Variants in FAT1 observed in about 807,000 individuals in gnomAD.
FAT1 encodes the protein FAT atypical cadherin 1.
FAT1 carries 171 observed loss-of-function variants against 329.8 expected under a neutral mutation model. The ratio of observed to expected loss-of-function variants is 0.52; its 90% CI spans 0.46 to 0.59. FAT1 has a LOEUF of 0.59. Among genes scored for constraint, FAT1 ranks in the 20% least tolerant of loss-of-function variants. The pLI, the probability that FAT1 is intolerant of heterozygous loss-of-function variation, is 0.00. For missense variants in FAT1, 5,672 were observed against 5,774.4 expected (o/e 0.98, Z 0.57); for synonymous variants, 2,233 against 2,228.6 (o/e 1.00, Z -0.06).
chr4:186,692,249 C>T (rs1743804558), intron 2 of FAT1, among the ~76,000 whole-genome samples: 1 of 152,238 alleles, frequency 6.6e-6, no homozygotes, highest in South Asian at 2.1e-4. Flanking sequence ...TAACAAACAA[C>T]TCTAATATAA....
At chr4:186,610,733 A>T (rs1449093959) in intron 14 of FAT1, among the ~76,000 whole-genome samples, 1 of 127,076 alleles carries the variant, frequency 7.9e-6, no homozygotes, top group Non-Finnish European at 1.6e-5. Context: ...TATAAATATA[A>T]ATTTATATAA....
At chr4:186,623,782 ACTGTTT>A (rs1740161704) in intron 9 of FAT1, among the ~76,000 whole-genome samples, 1 of 152,172 alleles carries the variant, frequency 6.6e-6, no homozygotes, top group Non-Finnish European at 1.5e-5. Context: ...CGCTATTCTT[ACTGTTT>A]CTGTCTCATC....
At chr4:186,657,415 T>A (rs893580479) in intron 3 of FAT1, among the ~76,000 whole-genome samples, 1 of 151,688 alleles carries the variant, frequency 6.6e-6, no homozygotes, top group Non-Finnish European at 1.5e-5. Context: ...TTCACCAAGA[T>A]AAAATTCCAG....
At chr4:186,630,358 C>T (rs1233080626) in intron 7 of FAT1, among the ~76,000 whole-genome samples, 4 of 152,130 alleles carry the variant, frequency 2.6e-5, no homozygotes, top group African/African-American at 9.7e-5. Flanking sequence ...TGGGACGGAA[C>T]ATCCTGCCTT....
intron 3 of FAT1, among the ~76,000 whole-genome samples, chr4:186,659,767 G>C (rs1742079726): frequency 2.0e-5 from 3 of 146,540 alleles, no homozygotes; most frequent in Admixed American, 1.4e-4. Flanking sequence ...AACCCTGGGT[G>C]CTCCTGCACT....
Position 186,609,801 on chromosome 4 carries a change from C to G in FAT1, c.10068G>C (p.Thr3356=), listed in dbSNP as rs374566985. 1.2e-6 allele frequency: 2 copies of G among 1,606,648 alleles called. No individual in the cohort carries two copies. The highest frequency in any genetic ancestry group is 1.7e-6 in the Non-Finnish European group (2 of 1,173,256). ...EDAVLEQSVI[T]VMADDADGPS... ...ACTGTAATGGGGAAAAAATACACAC[C>G]GTGATGACAGACTGCTCAAGAACGG... Residue 3356 remains threonine, a splice_region_variant and synonymous_variant, in exon 15 of 27, where the codon ACG becomes ACC. Coordinates refer to ENST00000441802, the MANE Select transcript of FAT1 (RefSeq NM_005245.4).
rs762587815 is a variant in FAT1, at chr4:186,621,132, T to A, written c.5454A>T (p.Thr1818=). The A allele has an allele frequency of 6.2e-7, 1 of 1,613,914 alleles. No homozygotes were observed. Among genetic ancestry groups the A allele is most frequent in the Non-Finnish European group, 8.5e-7 (1 of 1,179,898 alleles). ...VYHIVEPSVH[T]YFAIDSSTGA... is the part of the protein sequence containing the mutation. ...CAGTGCTAGAATCAATAGCAAAATA[T>A]GTGTGTACAGATGGTTCAACAATGT... The change falls in exon 10 of 27, where the codon ACA becomes ACT. Residue 1818 remains threonine (T), a synonymous_variant. Transcript: ENST00000441802.
At chr4:186,601,214 G>T in intron 21 of FAT1, 55 bp downstream of exon 21, 1 of 1,444,022 alleles carries the variant, frequency 6.9e-7, no homozygotes, top group East Asian at 2.3e-5. Context: ...AATATAAAAT[G>T]AAATTTATGG....
chr4:186,604,389 T>C lies in FAT1; in HGVS notation c.10536A>G (p.Leu3512=). ...AAGCCATTCATACCTTCACCTGCAG[T>C]AAGTAATGATCTTTCTCCTTCCTCT... ...AIKRKEKDHY[L]LQVKVADNGK... is the part of the protein sequence containing the mutation. The change falls in exon 18 of 27, where the codon TTA becomes TTG. Residue 3512 remains leucine (L), a synonymous_variant. Coordinates refer to ENST00000441802, the MANE Select transcript of FAT1 (RefSeq NM_005245.4). The C allele has an allele frequency of 6.2e-7, 1 of 1,612,510 alleles. No individual in the cohort carries two copies. The highest frequency in any genetic ancestry group is 8.5e-7 in the Non-Finnish European group (1 of 1,179,216).
intron 3 of FAT1, among the ~76,000 whole-genome samples, chr4:186,652,511 A>C (rs1560967846): frequency 6.6e-6 from 1 of 152,236 alleles, no homozygotes; most frequent in Non-Finnish European, 1.5e-5. Flanking sequence ...TGCAAACTTT[A>C]GGGATGATAT....
At position 186,611,322 on chromosome 4, in the gene FAT1, G is replaced by A. The variant is rs1443681057; in HGVS notation, c.9853+64C>T. 6 of 1,465,268 alleles carry A rather than the reference G, an allele frequency of 4.1e-6. No homozygotes were observed. The East Asian group carries it at 1.1e-4, about 28-fold the overall frequency. The allele number at this position is 1,465,268 out of a possible 1,614,324, so 90.8% of individuals were successfully genotyped here. A position where few individuals can be genotyped will look rare whatever the true frequency, so the allele number is the denominator to read the frequency against. ...AGGGTCACTTAATACAAGGCAACGT[G>A]GTTAAGCAAATCTAGTTTTCTTGGT... On this transcript the variant is annotated intron_variant, in intron 14 of 26. Coordinates refer to ENST00000441802, the MANE Select transcript of FAT1 (RefSeq NM_005245.4).
chr4:186,718,221 G>T (rs543958934), intron 1 of FAT1, among the ~76,000 whole-genome samples: 1 of 152,220 alleles, frequency 6.6e-6, no homozygotes, highest in Non-Finnish European at 1.5e-5. Flanking sequence ...CTCTTCACCT[G>T]TTCTCTCTTC....
chr4:186,619,757 T>C lies in FAT1; in HGVS notation c.6829A>G (p.Asn2277Asp), dbSNP rs777597069. 6.2e-7 allele frequency: 1 copy of C among 1,614,000 alleles called. No homozygotes were observed. The highest frequency in any genetic ancestry group is 1.1e-5 in the South Asian group (1 of 91,080). ...TGAGCAAACACAGGAGGGTTATCAT[T>C]GATGTCGTCTACTATGATGTCCACA... is the stretch of plus-strand genomic sequence containing the variant. ...VFVDIIVDDI[N>D]DNPPVFAQQS... is the part of the protein sequence containing the mutation. Residue 2277 changes from asparagine to aspartate, a missense_variant, in exon 10 of 27, where the codon AAT becomes GAT. Coordinates refer to ENST00000441802, the MANE Select transcript of FAT1 (RefSeq NM_005245.4).
rs373112377 is a variant in FAT1, at chr4:186,619,007, C to T, written c.7579G>A (p.Val2527Ile). ...AAGTCATTTACAATATGGTAAGTAA[C>T]GTGACCATAAATACCAGAATCCCCA... ...TDGDSGIYGH[V>I]TYHIVNDFAK... The change falls in exon 10 of 27, where the codon GTT becomes ATT. Residue 2527 changes from valine (V) to isoleucine (I), a missense_variant. By Grantham distance (29) the Val-to-Ile change is conservative (BLOSUM62 3). This residue lies in a region of FAT1 where 3,966 missense variants were observed against 3,915.2 expected (regional missense o/e 1.01). Transcript: ENST00000441802. 5.0e-6 allele frequency: 8 copies of T among 1,613,886 alleles called. No individual in the cohort carries two copies. Among genetic ancestry groups the T allele is most frequent in the Middle Eastern group, 1.6e-4 (1 of 6,084 alleles).
intron 26 of FAT1, among the ~76,000 whole-genome samples, 153 bp from the exon 27 acceptor site, chr4:186,589,373 G>A (rs1056768324): frequency 6.6e-6 from 1 of 152,114 alleles, no homozygotes; most frequent in African/African-American, 2.4e-5. Context: ...TTGCTTTGAA[G>A]ACATCCCCCA....
intron 3 of FAT1, among the ~76,000 whole-genome samples, chr4:186,642,689 A>C (rs1579375062): frequency 6.6e-6 from 1 of 152,152 alleles, no homozygotes; most frequent in Non-Finnish European, 1.5e-5. Flanking sequence ...GGCTGGCGGC[A>C]CCCTGCGGGT....
chr4:186,697,697 T>C (rs1056328153), intron 2 of FAT1, among the ~76,000 whole-genome samples: 4 of 152,248 alleles, frequency 2.6e-5, no homozygotes, highest in African/African-American at 7.2e-5. Flanking sequence ...ATATAATGTA[T>C]GTAGAAATAC....
At position 186,709,829 on chromosome 4, in the gene FAT1, G is replaced by A. The variant is rs1744869123; in HGVS notation, c.-2C>T. On this transcript the variant is annotated 5_prime_UTR_variant, in exon 2 of 27. Coordinates refer to ENST00000441802, the MANE Select transcript of FAT1 (RefSeq NM_005245.4). ...GAGCAAAGCCAAATGTCTCCCCATT[G>A]CTTAACTGTCGGGAATCTGAAACAG... 6.3e-7 allele frequency: 1 copy of A among 1,593,698 alleles called. No individual in the cohort carries two copies. The highest frequency in any genetic ancestry group is 8.6e-7 in the Non-Finnish European group (1 of 1,167,512).
intron 2 of FAT1, among the ~76,000 whole-genome samples, chr4:186,705,602 GC>G (rs1331325830): frequency 6.6e-6 from 1 of 152,160 alleles, no homozygotes; most frequent in Non-Finnish European, 1.5e-5. Flanking sequence ...GCTTCTATGT[GC>G]CAGGCACTTT....
Sources: allele counts gnomAD v4.1 joint callset (sites outside exome capture counted in the v4.1 genomes callset), GRCh38; gene constraint gnomAD v4.1.1; regional missense constraint gnomAD v4.1.1; transcripts MANE v1.5; gene names NCBI Gene and HGNC (gene_info 2026-07-23, HGNC 2026-07-21).